Variants in PTGES3L observed in about 807,000 individuals in gnomAD.
The protein encoded by PTGES3L is prostaglandin E synthase 3 like.
PTGES3L carries 17 observed loss-of-function variants against 25.0 expected under a neutral mutation model. That is an observed-to-expected ratio of 0.68 (90% CI 0.47 to 1.02). The LOEUF (loss-of-function observed/expected upper bound fraction) is 1.02, where lower values mean the gene tolerates loss of function less well. PTGES3L is among the 50% of genes least tolerant of loss of function. The pLI is 0.00. For synonymous variants in PTGES3L, 59 were observed against 65.7 expected (o/e 0.90, Z 0.50); for missense variants, 202 against 197.5 (o/e 1.02, Z -0.14).
chr17:42,969,194 CGG>C lies in PTGES3L; in HGVS notation c.433-10_433-9del, dbSNP rs745402882. The C allele has an allele frequency of 1.6e-5, 2 of 122,548 alleles. No individual in the cohort carries two copies. Among genetic ancestry groups the C allele is most frequent in the African/African-American group, 1.9e-4 (2 of 10,594 alleles). 7.6% of individuals were successfully genotyped at this position (122,548 alleles called of 1,614,324 possible). On this transcript the variant is annotated splice_polypyrimidine_tract_variant and intron_variant, in intron 6 of 6. Coordinates refer to ENST00000591916, the MANE Select transcript of PTGES3L (RefSeq NM_001261430.2). ...AGCACTGTCAGAATCATCCTGGGGG[CGG>C]GGGGGAAAAAAGACAAAGCACCTGT...
At chr17:42,971,728 A>G (rs2049840133) in intron 4 of PTGES3L, 32 bp from the exon 5 acceptor site, 1 of 1,611,984 alleles carries the variant, frequency 6.2e-7, no homozygotes, top group African/African-American at 1.3e-5. Flanking sequence ...GTCACAGGCC[A>G]GGAGGGCAGG....
intron 5 of PTGES3L, among the ~76,000 whole-genome samples, chr17:42,971,021 A>C (rs1477864815): frequency 1.3e-5 from 2 of 151,744 alleles, no homozygotes; most frequent in African/African-American, 2.4e-5. Flanking sequence ...CACACAGGCC[A>C]GGCATGGTGA....
Position 42,979,537 on chromosome 17 carries a change from G to C in PTGES3L, c.122+13C>G. On this transcript the variant is annotated intron_variant, in intron 2 of 6. Transcript: ENST00000591916. ...TCCTGGGAAGCCAGGCCCTCGGACG[G>C]CAGGGCCACTACCTGAACACAATGC... 6.2e-7 allele frequency: 1 copy of C among 1,614,126 alleles called. No homozygotes were observed.
intron 6 of PTGES3L, 53 bp downstream of exon 6, chr17:42,970,236 T>G: frequency 6.2e-7 from 1 of 1,609,216 alleles, no homozygotes. Context: ...TCTAGTGGGT[T>G]GTTTTTAAGG....
intron 4 of PTGES3L, 56 bp downstream of exon 4, chr17:42,979,114 C>T: frequency 1.9e-6 from 3 of 1,599,074 alleles, no homozygotes; most frequent in Non-Finnish European, 2.6e-6. Flanking sequence ...AAGGACAATC[C>T]CAGCTGTAAC....
At chr17:42,978,472 A>G (rs1342521120) in intron 4 of PTGES3L, among the ~76,000 whole-genome samples, 2 of 152,180 alleles carry the variant, frequency 1.3e-5, no homozygotes, top group Non-Finnish European at 2.9e-5. Flanking sequence ...GGGAAAGACC[A>G]TGTTCATAGC....
chr17:42,976,076 G>A (rs1240967414), intron 4 of PTGES3L, among the ~76,000 whole-genome samples: 4 of 151,900 alleles, frequency 2.6e-5, no homozygotes, highest in Admixed American at 2.0e-4. Context: ...TCTGCCTCCC[G>A]GGTTCAAGCA....
chr17:42,979,285 C>T lies in PTGES3L; in HGVS notation c.190-17G>A, dbSNP rs1326033897. The T allele has an allele frequency of 1.9e-6, 3 of 1,613,920 alleles. No homozygotes were observed. The African/African-American group carries it at 4.0e-5, about 22-fold the overall frequency. ...CTGGGAGTCCTGCCAGATAGAGAGC[C>T]TCATTCTTAGGGTCTGGGGTTTAGA... On this transcript the variant is annotated splice_polypyrimidine_tract_variant and intron_variant, in intron 3 of 6. Coordinates refer to ENST00000591916, the MANE Select transcript of PTGES3L (RefSeq NM_001261430.2).
intron 4 of PTGES3L, among the ~76,000 whole-genome samples, chr17:42,974,925 A>T (rs1281065921): frequency 6.6e-6 from 1 of 151,974 alleles, no homozygotes; most frequent in Non-Finnish European, 1.5e-5. Flanking sequence ...GCTTGAGCCC[A>T]GGGGTTCGAG....
At chr17:42,969,238 G>C (rs991521801) in intron 6 of PTGES3L, 52 bp from the exon 7 acceptor site, 17 of 1,023,482 alleles carry the variant, frequency 1.7e-5, no homozygotes, top group African/African-American at 1.6e-5. Flanking sequence ...TGCAAAGCAG[G>C]AACATTTGTG....
rs533186249 is a variant in PTGES3L, at chr17:42,969,190, G to A, written c.433-4C>T. The A allele has an allele frequency of 1.8e-4, 198 of 1,083,700 alleles. 2 individuals carry two copies. In the South Asian group the frequency reaches 2.8e-3, roughly 15 times the overall value. 67.1% of individuals were successfully genotyped at this position (1,083,700 alleles called of 1,614,324 possible). A position where few individuals can be genotyped will look rare whatever the true frequency, so the allele number is the denominator to read the frequency against. On this transcript the variant is annotated splice_polypyrimidine_tract_variant and splice_region_variant and intron_variant, in intron 6 of 6. Coordinates refer to ENST00000591916, the MANE Select transcript of PTGES3L (RefSeq NM_001261430.2). ...CATCAGCACTGTCAGAATCATCCTG[G>A]GGGCGGGGGGGAAAAAAGACAAAGC...
chr17:42,975,515 C>T (rs1015527051), intron 4 of PTGES3L, among the ~76,000 whole-genome samples: 9 of 152,000 alleles, frequency 5.9e-5, no homozygotes, highest in East Asian at 1.9e-4. Flanking sequence ...TGTTATGTAA[C>T]GGATCTCAAC....
At position 42,973,973 on chromosome 17, in the gene PTGES3L, C is replaced by T. The variant is rs1380281414; in HGVS notation, c.289-2277G>A. 4.2e-5 allele frequency among the ~76,000 whole-genome samples: 5 copies of T among 119,794 alleles called. No individual in the cohort carries two copies. The East Asian group carries it at 9.1e-4, about 22-fold the overall frequency. The allele number at this position is 119,794 out of a possible 152,430, so 78.6% of individuals were successfully genotyped here. A position where few individuals can be genotyped will look rare whatever the true frequency, so the allele number is the denominator to read the frequency against. ...CTGCCAAATCCCCCTCTGTGAGAAA[C>T]ACCCAAGAATTATCAATAAAAAAAT... is the stretch of plus-strand genomic sequence containing the variant. On this transcript the variant is annotated intron_variant, in intron 4 of 6. Coordinates refer to ENST00000591916, the MANE Select transcript of PTGES3L (RefSeq NM_001261430.2).
chr17:42,979,111 A>C (rs778714937), intron 4 of PTGES3L, 59 bp downstream of exon 4: 35 of 1,580,168 alleles, frequency 2.2e-5, no homozygotes, highest in Non-Finnish European at 3.0e-5. Context: ...GGCAAGGACA[A>C]TCCCAGCTGT....
Position 42,969,194 on chromosome 17 carries a change from CGGG to C in PTGES3L, c.433-11_433-9del. The C allele has an allele frequency of 1.6e-5, 2 of 122,546 alleles. No individual in the cohort carries two copies. Among genetic ancestry groups the C allele is most frequent in the South Asian group, 2.1e-4 (1 of 4,814 alleles). 7.6% of individuals were successfully genotyped at this position (122,546 alleles called of 1,614,324 possible). ...AGCACTGTCAGAATCATCCTGGGGG[CGGG>C]GGGGAAAAAAGACAAAGCACCTGTA... On this transcript the variant is annotated splice_polypyrimidine_tract_variant and intron_variant, in intron 6 of 6. Coordinates refer to ENST00000591916, the MANE Select transcript of PTGES3L (RefSeq NM_001261430.2).
intron 4 of PTGES3L, among the ~76,000 whole-genome samples, chr17:42,973,536 C>A (rs949978220): frequency 6.6e-6 from 1 of 151,950 alleles, no homozygotes; most frequent in Non-Finnish European, 1.5e-5. Context: ...ACAATGGCGG[C>A]TTTGTGGAAT....
chr17:42,969,242 AT>A, intron 6 of PTGES3L, 56 bp from the exon 7 acceptor site: 2 of 1,018,340 alleles, frequency 2.0e-6, no homozygotes, highest in Non-Finnish European at 1.5e-6. Context: ...AAGCAGGAAC[AT>A]TTGTGTTAAC....
rs914724791 is a variant in PTGES3L at position 42,969,039 on chromosome 17, C to T, written c.*109G>A. 5.1e-6 allele frequency: 4 copies of T among 787,338 alleles called. No individual in the cohort carries two copies. The highest frequency in any genetic ancestry group is 3.5e-5 in the African/African-American group (2 of 56,762). 48.8% of individuals were successfully genotyped at this position (787,338 alleles called of 1,614,324 possible). On this transcript the variant is annotated 3_prime_UTR_variant, in exon 7 of 7. Transcript: ENST00000591916. ...AGCTTCTAGGAAAGTTCAGAGATCTCAGAAGAACTTGGTGCACAGCCAAAG... is the reference window on the plus strand; with the variant it reads ...AGCTTCTAGGAAAGTTCAGAGATCTTAGAAGAACTTGGTGCACAGCCAAAG...
At chr17:42,972,738 C>T (rs2049868653) in intron 4 of PTGES3L, among the ~76,000 whole-genome samples, 1 of 151,624 alleles carries the variant, frequency 6.6e-6, no homozygotes, top group African/African-American at 2.4e-5. Context: ...TCTGCCCGGC[C>T]GCCACCCCGT....
Sources: allele counts gnomAD v4.1 joint callset (sites outside exome capture counted in the v4.1 genomes callset), GRCh38; gene constraint gnomAD v4.1.1; transcripts MANE v1.5; gene names NCBI Gene and HGNC (gene_info 2026-07-23, HGNC 2026-07-21).